Variants in TRIM37 observed in about 807,000 individuals in gnomAD.
The protein encoded by TRIM37 is E3 ubiquitin-protein ligase TRIM37.
A neutral mutation model predicts 129.8 loss-of-function variants in TRIM37; 80 were observed. The ratio of observed to expected loss-of-function variants is 0.62; its 90% CI spans 0.51 to 0.74. The LOEUF is 0.74. Among genes scored for constraint, TRIM37 ranks in the 30% least tolerant of loss-of-function variants. TRIM37 has a pLI of 0.00. For missense variants in TRIM37, 1,054 were observed against 1,176.5 expected, an observed-to-expected ratio of 0.90 and a Z score of 1.52; for synonymous variants, 389 against 387.1, an observed-to-expected ratio of 1.00 and a Z score of -0.06.
Position 59,015,643 on chromosome 17 carries a change from G to T in TRIM37, c.2543C>A (p.Ala848Glu), listed in dbSNP as rs770505316. 2 of 1,613,670 alleles carry T rather than the reference G, an allele frequency of 1.2e-6. No individual in the cohort carries two copies. The highest frequency in any genetic ancestry group is 8.5e-7 in the Non-Finnish European group (1 of 1,179,972). ...GACCATTTTCCTCCTTTTCTCAACC[G>T]CAGGCAAGCCACTGAAAACTGCAAC... The part of the protein sequence containing the change: ...VVVAVFSGLP[A>E]VEKRRKMVTL... Residue 848 changes from alanine (A) to glutamate (E), a missense_variant, in exon 21 of 24, where the codon GCG becomes GAG. Coordinates refer to ENST00000262294, the MANE Select transcript of TRIM37 (RefSeq NM_015294.6).
At chr17:59,092,128 C>T (rs1249420527) in intron 2 of TRIM37, among the ~76,000 whole-genome samples, 1 of 152,088 alleles carries the variant, frequency 6.6e-6, no homozygotes, top group Admixed American at 6.6e-5. Context: ...CACGGTGTCT[C>T]ACGCCTGTAA....
At position 59,044,095 on chromosome 17, in the gene TRIM37, G is replaced by A. The variant is rs950851482; in HGVS notation, c.1668-2197C>T. Reference sequence around the variant, plus strand: ...GGGACTTCTTGAGCCTAGGAGCTCCGGGCCAGCCTAGAACATAGTAAGGCA... The same window carrying A: ...GGGACTTCTTGAGCCTAGGAGCTCCAGGCCAGCCTAGAACATAGTAAGGCA... On this transcript the variant is annotated intron_variant, in intron 16 of 23. Transcript: ENST00000262294. Among the ~76,000 whole-genome samples the A allele has an allele frequency of 7.9e-5, 12 of 152,158 alleles. No homozygotes were observed. The South Asian group carries it at 1.5e-3, about 18-fold the overall frequency.
intron 24 of TRIM37, among the ~76,000 whole-genome samples, chr17:58,989,135 C>T (rs1480142531): frequency 6.6e-6 from 1 of 152,066 alleles, no homozygotes; most frequent in Non-Finnish European, 1.5e-5. Context: ...TTCATCAGAA[C>T]CAGAGTCAGA....
At chr17:59,046,607 G>T (rs1482688412) in intron 16 of TRIM37, among the ~76,000 whole-genome samples, 1 of 148,572 alleles carries the variant, frequency 6.7e-6, no homozygotes, top group African/African-American at 2.5e-5. Flanking sequence ...CGTGATCTTA[G>T]CTCACTGCAA....
At chr17:59,103,300 T>C (rs2045687743) in intron 2 of TRIM37, among the ~76,000 whole-genome samples, 1 of 152,148 alleles carries the variant, frequency 6.6e-6, no homozygotes, top group Non-Finnish European at 1.5e-5. Context: ...TATTGGACTC[T>C]CGCATACACA....
At chr17:59,007,889 G>C (rs1382813422) in intron 22 of TRIM37, among the ~76,000 whole-genome samples, 1 of 152,208 alleles carries the variant, frequency 6.6e-6, no homozygotes, top group African/African-American at 2.4e-5. Flanking sequence ...TTGAGAAAGA[G>C]AGAGAACCCC....
intron 16 of TRIM37, among the ~76,000 whole-genome samples, chr17:59,042,438 AAAAAAAAAAAAATATATAT>A (rs1448229712): frequency 2.7e-5 from 2 of 75,192 alleles, no homozygotes; most frequent in African/African-American, 1.2e-4. Context: ...ATTTAAAAAA[AAAAAAAAAAAAATATATAT>A]ATATATATAT....
intron 22 of TRIM37, among the ~76,000 whole-genome samples, chr17:59,008,688 C>T (rs767577194): frequency 1.5e-4 from 23 of 152,080 alleles, no homozygotes; most frequent in Admixed American, 2.6e-4. Flanking sequence ...CATTTGAGCC[C>T]AGGAGTTTAA....
At chr17:58,989,724 C>T (rs1008533496) in intron 24 of TRIM37, among the ~76,000 whole-genome samples, 4 of 152,032 alleles carry the variant, frequency 2.6e-5, no homozygotes, top group African/African-American at 7.2e-5. Context: ...CAACCCAGAA[C>T]GTAATATACA....
rs2042753842 is a variant in TRIM37, at chr17:59,075,629, C to T, written c.684+18G>A. 2.1e-6 allele frequency: 3 copies of T among 1,418,598 alleles called. No homozygotes were observed. The highest frequency in any genetic ancestry group is 1.4e-5 in the African/African-American group (1 of 70,302). The allele number at this position is 1,418,598 out of a possible 1,614,324, so 87.9% of individuals were successfully genotyped here. On this transcript the variant is annotated intron_variant, in intron 8 of 23. Transcript: ENST00000262294. ...AAAAAGGATAAAGACTATTTCATTA[C>T]ATTTAATATTTCATCACCTGGTGCT...
chr17:59,098,638 G>A (rs547008799), intron 2 of TRIM37, among the ~76,000 whole-genome samples: 7 of 144,904 alleles, frequency 4.8e-5, no homozygotes, highest in Admixed American at 7.1e-5. Flanking sequence ...GTGCTCCAAC[G>A]TGGGCAACAG....
At position 58,998,739 on chromosome 17, in the gene TRIM37, A is replaced by G; in HGVS notation, c.*638T>C. 2.0e-6 allele frequency: 2 copies of G among 985,708 alleles called. No individual in the cohort carries two copies. Among genetic ancestry groups the G allele is most frequent in the African/African-American group, 3.5e-5 (2 of 57,368 alleles). 61.1% of individuals were successfully genotyped at this position (985,708 alleles called of 1,614,324 possible). Reference sequence around the variant, plus strand: ...ATCCATGTTAACTTAATTTCATTTAAAATTACATTTGTAGAAGTCACACAA... The same window carrying G: ...ATCCATGTTAACTTAATTTCATTTAGAATTACATTTGTAGAAGTCACACAA... On this transcript the variant is annotated 3_prime_UTR_variant, in exon 24 of 24. Transcript: ENST00000262294.
In TRIM37 at chr17:59,057,008, TAGG is replaced by T; in HGVS notation, c.1063_1065del (p.Pro355del). ...GCAAATTCTCGAATGATATTTTTTG[TAGG>T]ATCATTACAGGACTGGTGAACCATC... On this transcript the variant is annotated inframe_deletion, in exon 13 of 24. Coordinates refer to ENST00000262294, the MANE Select transcript of TRIM37 (RefSeq NM_015294.6). 1 of 1,613,852 alleles carries T rather than the reference TAGG, an allele frequency of 6.2e-7. No individual in the cohort carries two copies. The highest frequency in any genetic ancestry group is 8.5e-7 in the Non-Finnish European group (1 of 1,179,904).
chr17:59,105,112 A>C (rs1452673419), intron 1 of TRIM37, among the ~76,000 whole-genome samples: 1 of 151,920 alleles, frequency 6.6e-6, no homozygotes, highest in African/African-American at 2.4e-5. Flanking sequence ...AAAAAGAAAA[A>C]AGGAAAAAAG....
chr17:59,105,676 C>A (rs1254920878), intron 1 of TRIM37, among the ~76,000 whole-genome samples: 1 of 152,034 alleles, frequency 6.6e-6, no homozygotes, highest in African/African-American at 2.4e-5. Flanking sequence ...CTCTGTAGGG[C>A]CAGAAAGAAC....
At chr17:58,983,098 TG>T (rs1427918816) in intron 24 of TRIM37, 1 of 575,258 alleles carries the variant, frequency 1.7e-6, no homozygotes, top group Non-Finnish European at 3.0e-6. Flanking sequence ...GCTTTCTCAG[TG>T]GGGAAAAAAA....
intron 13 of TRIM37, among the ~76,000 whole-genome samples, chr17:59,055,714 A>G (rs1482408892): frequency 6.6e-6 from 1 of 151,290 alleles, no homozygotes; most frequent in East Asian, 1.9e-4. Flanking sequence ...AAAAAAGCTA[A>G]ATGATGAGAA....
chr17:59,063,320 C>T (rs1234436292), intron 10 of TRIM37, among the ~76,000 whole-genome samples: 2 of 152,156 alleles, frequency 1.3e-5, no homozygotes, highest in Admixed American at 6.5e-5. Flanking sequence ...GCTGGGATTA[C>T]AGGCGCCCAC....
intron 3 of TRIM37, among the ~76,000 whole-genome samples, chr17:59,089,646 A>T (rs1288321312): frequency 6.6e-6 from 1 of 152,152 alleles, no homozygotes; most frequent in Non-Finnish European, 1.5e-5. Flanking sequence ...TCTCAAAAAT[A>T]AATAAATAAG....
Sources: gnomAD v4.1 joint callset for allele counts (sites outside exome capture counted in the v4.1 genomes callset) on GRCh38, gnomAD v4.1.1 for gene constraint, MANE v1.5 for transcripts, NCBI Gene and HGNC (gene_info 2026-07-23, HGNC 2026-07-21) for gene names.